Variants in BRIP1 observed in about 807,000 individuals in gnomAD.
BRIP1 encodes Fanconi anemia group J protein.
BRIP1 carries 88 observed loss-of-function variants against 119.7 expected under a neutral mutation model. The observed-to-expected ratio is 0.74, with a 90% confidence interval of 0.62 to 0.88. The LOEUF (loss-of-function observed/expected upper bound fraction) is 0.88, where lower values mean the gene tolerates loss of function less well. Among genes scored for constraint, BRIP1 ranks in the 40% least tolerant of loss-of-function variants. The probability of loss-of-function intolerance (pLI) is 0.00; values close to 1 mark genes in which losing one functional copy is unlikely to be tolerated. For synonymous variants in BRIP1, 443 were observed against 496.5 expected (o/e 0.89, Z 1.43); for missense variants, 1,259 against 1,455.4 (o/e 0.87, Z 2.20).
chr17:61,776,220 A>T lies in BRIP1; in HGVS notation c.2097+181T>A, dbSNP rs960544330. On this transcript the variant is annotated intron_variant, in intron 14 of 19. Transcript: ENST00000259008. This position sits in a 1 kb window ranked among gnomAD's most constrained non-coding sequence, Gnocchi z 5.0. ...CTTTTAAGTAAAACAGAGGTAGGAC[A>T]ATCAGGCAGTATCTTAATCAAAAAA... 8.9e-6 allele frequency: 6 copies of T among 673,026 alleles called. No individual in the cohort carries two copies. In the Admixed American group the frequency reaches 1.5e-4, roughly 16 times the overall value. 41.7% of individuals were successfully genotyped at this position (673,026 alleles called of 1,614,324 possible). A position where few individuals can be genotyped will look rare whatever the true frequency, so the allele number is the denominator to read the frequency against.
chr17:61,696,616 TA>T, intron 17 of BRIP1, among the ~76,000 whole-genome samples: 1 of 146,158 alleles, frequency 6.8e-6, no homozygotes, highest in Non-Finnish European at 1.5e-5. Flanking sequence ...ACCTGGGAGG[TA>T]GAGGTTGCAG....
rs1330776313 is a variant in BRIP1 at position 61,831,043 on chromosome 17, C to A, written c.627+16058G>T. On this transcript the variant is annotated intron_variant, in intron 6 of 19. Coordinates refer to ENST00000259008, the MANE Select transcript of BRIP1 (RefSeq NM_032043.3). The surrounding 1 kb of genome is among the most constrained non-coding windows in gnomAD (Gnocchi z 4.1). ...AAACATATAATCCTACCAAGGAATGCAGTAAAACTTTAAATATAAAATCCA... is the reference window on the plus strand; with the variant it reads ...AAACATATAATCCTACCAAGGAATGAAGTAAAACTTTAAATATAAAATCCA... Among the ~76,000 whole-genome samples, 1 of 152,126 alleles carries A rather than the reference C, an allele frequency of 6.6e-6. No individual in the cohort carries two copies. The highest frequency in any genetic ancestry group is 1.5e-5 in the Non-Finnish European group (1 of 68,016).
At chr17:61,747,760 C>A (rs565116008) in intron 14 of BRIP1, among the ~76,000 whole-genome samples, 1 of 151,798 alleles carries the variant, frequency 6.6e-6, no homozygotes, top group South Asian at 2.1e-4. Flanking sequence ...TTTTGAGATA[C>A]ACTCTTGCTC....
rs1350118106 is a variant in BRIP1 at position 61,832,881 on chromosome 17, A to G, written c.627+14220T>C. 6.6e-6 allele frequency among the ~76,000 whole-genome samples: 1 copy of G among 152,248 alleles called. No individual in the cohort carries two copies. Among genetic ancestry groups the G allele is most frequent in the Non-Finnish European group, 1.5e-5 (1 of 68,042 alleles). On this transcript the variant is annotated intron_variant, in intron 6 of 19. Transcript: ENST00000259008. The surrounding 1 kb of genome is among the most constrained non-coding windows in gnomAD (Gnocchi z 5.5). ...ATTATGTATAAGAATGTCTTTGCTT[A>G]TAAGACATAGACACTAAAGTATTTC... is the stretch of plus-strand genomic sequence containing the variant.
intron 4 of BRIP1, among the ~76,000 whole-genome samples, chr17:61,850,305 T>C (rs2078799644): frequency 6.6e-6 from 1 of 151,800 alleles, no homozygotes; most frequent in Non-Finnish European, 1.5e-5. Context: ...TTTCTCCATG[T>C]TGGTCAGGCT....
chr17:61,817,943 C>A lies in BRIP1; in HGVS notation c.628-9186G>T, dbSNP rs568098854. 7.2e-5 allele frequency among the ~76,000 whole-genome samples: 11 copies of A among 152,224 alleles called. No individual in the cohort carries two copies. In the South Asian group the frequency reaches 2.3e-3, roughly 32 times the overall value. On this transcript the variant is annotated intron_variant, in intron 6 of 19. Transcript: ENST00000259008. Reference sequence around the variant, plus strand: ...AGACTAGTAAACTACTTTTCTTAATCTTTTTTGTTCTAATTTTTGTCTGAA... The same window carrying A: ...AGACTAGTAAACTACTTTTCTTAATATTTTTTGTTCTAATTTTTGTCTGAA...
chr17:61,854,231 T>G (rs2078862480), intron 4 of BRIP1, among the ~76,000 whole-genome samples: 1 of 151,908 alleles, frequency 6.6e-6, no homozygotes, highest in Non-Finnish European at 1.5e-5. Flanking sequence ...TGAGCCAAGA[T>G]CACAGTACTG....
Position 61,744,727 on chromosome 17 carries a change from C to G in BRIP1, c.2098-136G>C, listed in dbSNP as rs1035514221. 5.0e-6 allele frequency: 4 copies of G among 799,542 alleles called. No individual in the cohort carries two copies. The African/African-American group carries it at 6.9e-5, about 14-fold the overall frequency. 49.5% of individuals were successfully genotyped at this position (799,542 alleles called of 1,614,324 possible). ...TTTCTCATTTATAAAATGAGGAAAA[C>G]AATATATCTCATAGAGCTGTTATGG... On this transcript the variant is annotated intron_variant, in intron 14 of 19. Coordinates refer to ENST00000259008, the MANE Select transcript of BRIP1 (RefSeq NM_032043.3). This position sits in a 1 kb window ranked among gnomAD's most constrained non-coding sequence, Gnocchi z 5.0.
chr17:61,709,013 T>C lies in BRIP1; in HGVS notation c.2492+6938A>G, dbSNP rs1557720. On this transcript the variant is annotated intron_variant, in intron 17 of 19. Transcript: ENST00000259008. The surrounding 1 kb of genome is among the most constrained non-coding windows in gnomAD (Gnocchi z 5.0). ...GTGCCTGGTGTTGAAGAATACAGAG[T>C]CTCTGTTGTTCAACCTTTCCAGAAG... Among the ~76,000 whole-genome samples, 1 of 151,898 alleles carries C rather than the reference T, an allele frequency of 6.6e-6. No homozygotes were observed.
rs2078144809 is a variant in BRIP1, at chr17:61,810,438, A to T, written c.628-1681T>A. On this transcript the variant is annotated intron_variant, in intron 6 of 19. Coordinates refer to ENST00000259008, the MANE Select transcript of BRIP1 (RefSeq NM_032043.3). The surrounding 1 kb of genome is among the most constrained non-coding windows in gnomAD (Gnocchi z 4.7). ...ATTAATCAATTAACATACAAAAAGA[A>T]TTAAGGTAACTCAATTAGAATTAAT... 6.6e-6 allele frequency among the ~76,000 whole-genome samples: 1 copy of T among 152,218 alleles called. No individual in the cohort carries two copies.
rs2078136989 is a variant in BRIP1, at chr17:61,809,976, G to T, written c.628-1219C>A. ...CTCCCAGTCTCACTCAACCTTGTCC[G>T]CCATTAAATATTACAATACATGATA... On this transcript the variant is annotated intron_variant, in intron 6 of 19. Transcript: ENST00000259008. The surrounding 1 kb of genome is among the most constrained non-coding windows in gnomAD (Gnocchi z 5.2). Among the ~76,000 whole-genome samples the T allele has an allele frequency of 6.6e-6, 1 of 152,140 alleles. No homozygotes were observed. Among genetic ancestry groups the T allele is most frequent in the African/African-American group, 2.4e-5 (1 of 41,430 alleles).
At chr17:61,763,112 A>C (rs192106435) in intron 14 of BRIP1, among the ~76,000 whole-genome samples, 1 of 152,166 alleles carries the variant, frequency 6.6e-6, no homozygotes, top group Non-Finnish European at 1.5e-5. Context: ...TCTACTTTCT[A>C]TCTCTGAATT....
intron 16 of BRIP1, among the ~76,000 whole-genome samples, chr17:61,723,506 A>C (rs1025113348): frequency 1.3e-5 from 2 of 152,200 alleles, no homozygotes; most frequent in Admixed American, 6.5e-5. Flanking sequence ...TAACAACATT[A>C]TACCTGTTGA....
rs1255624347 is a variant in BRIP1 at position 61,757,914 on chromosome 17, G to A, written c.2098-13323C>T. ...AGGCTGAAGTGGGAGGATCACCTGA[G>A]CCAGGGAGGTAAAGACTACAGTGAG... is the stretch of plus-strand genomic sequence containing the variant. On this transcript the variant is annotated intron_variant, in intron 14 of 19. Transcript: ENST00000259008. The surrounding 1 kb of genome is among the most constrained non-coding windows in gnomAD (Gnocchi z 4.3). Among the ~76,000 whole-genome samples the A allele has an allele frequency of 6.6e-6, 1 of 151,558 alleles. No individual in the cohort carries two copies. The highest frequency in any genetic ancestry group is 2.4e-5 in the African/African-American group (1 of 41,236).
rs983743065 is a variant in BRIP1 at position 61,861,226 on chromosome 17, G to A, written c.93+221C>T. Among the ~76,000 whole-genome samples the A allele has an allele frequency of 6.6e-6, 1 of 152,110 alleles. No individual in the cohort carries two copies. The highest frequency in any genetic ancestry group is 2.4e-5 in the African/African-American group (1 of 41,414). On this transcript the variant is annotated intron_variant, in intron 2 of 19. Coordinates refer to ENST00000259008, the MANE Select transcript of BRIP1 (RefSeq NM_032043.3). The surrounding 1 kb of genome is among the most constrained non-coding windows in gnomAD (Gnocchi z 4.5). ...CATTAAAAGTATAGAAATTCCAAATGAGCTGAGAACATTTTTCAGAATGTT... is the reference window on the plus strand; with the variant it reads ...CATTAAAAGTATAGAAATTCCAAATAAGCTGAGAACATTTTTCAGAATGTT...
At chr17:61,719,804 G>A (rs1312376081) in intron 16 of BRIP1, among the ~76,000 whole-genome samples, 1 of 151,424 alleles carries the variant, frequency 6.6e-6, no homozygotes, top group Non-Finnish European at 1.5e-5. Context: ...GGAGAAGGAA[G>A]GGAGGGATGG....
At position 61,691,121 on chromosome 17, in the gene BRIP1, G is replaced by A. The variant is rs1425563763; in HGVS notation, c.2575+2309C>T. Among the ~76,000 whole-genome samples the A allele has an allele frequency of 1.3e-5, 2 of 151,878 alleles. No homozygotes were observed. The highest frequency in any genetic ancestry group is 3.9e-4 in the East Asian group (2 of 5,164). On this transcript the variant is annotated intron_variant, in intron 18 of 19. Coordinates refer to ENST00000259008, the MANE Select transcript of BRIP1 (RefSeq NM_032043.3). The surrounding 1 kb of genome is among the most constrained non-coding windows in gnomAD (Gnocchi z 5.0). ...AGAGGGGGGAGGGATAGCATTAGGA[G>A]ATATACCTAATGTAAACGACAAGTT... is the stretch of plus-strand genomic sequence containing the variant.
At position 61,780,920 on chromosome 17, in the gene BRIP1, C is replaced by CCAA; in HGVS notation, c.1711_1713dup (p.Leu571dup). On this transcript the variant is annotated inframe_insertion, in exon 12 of 20. Transcript: ENST00000259008. The surrounding 1 kb of genome is among the most constrained non-coding windows in gnomAD (Gnocchi z 5.4). ...GAACGTTTCTTATTTTTTGGTAGAA[C>CCAA]CAACAACCCATTTTTGTCTGAAATA... 2 of 1,614,046 alleles carry CCAA rather than the reference C, an allele frequency of 1.2e-6. No homozygotes were observed. Among genetic ancestry groups the CCAA allele is most frequent in the Non-Finnish European group, 1.7e-6 (2 of 1,179,996 alleles).
chr17:61,690,275 A>G lies in BRIP1; in HGVS notation c.2575+3155T>C, dbSNP rs1235662984. 2.6e-5 allele frequency among the ~76,000 whole-genome samples: 4 copies of G among 152,258 alleles called. No individual in the cohort carries two copies. Among genetic ancestry groups the G allele is most frequent in the Admixed American group, 2.0e-4 (3 of 15,282 alleles). On this transcript the variant is annotated intron_variant, in intron 18 of 19. Coordinates refer to ENST00000259008, the MANE Select transcript of BRIP1 (RefSeq NM_032043.3). This position sits in a 1 kb window ranked among gnomAD's most constrained non-coding sequence, Gnocchi z 5.6. The stretch of plus-strand genomic sequence containing the variant: ...TTTGCTCGTGAAGTTAAAAGTGTAC[A>G]CAAATACAGAATACTTTAATATAAC...
Sources: allele counts gnomAD v4.1 joint callset (sites outside exome capture counted in the v4.1 genomes callset), GRCh38; gene constraint gnomAD v4.1.1; non-coding constraint Gnocchi (gnomAD v3.1); transcripts MANE v1.5; gene names NCBI Gene and HGNC (gene_info 2026-07-23, HGNC 2026-07-21).